Variants in NUAK1 observed in about 807,000 individuals in gnomAD.
NUAK1 encodes NUAK family kinase 1.
Under a neutral mutation model 56.9 loss-of-function variants are expected in NUAK1, and 26 were observed. The observed-to-expected ratio is 0.46, with a 90% CI of 0.33 to 0.63. The LOEUF (loss-of-function observed/expected upper bound fraction) is 0.63, where lower values mean the gene tolerates loss of function less well. Among genes scored for constraint, NUAK1 ranks in the 30% least tolerant of loss-of-function variants. The probability of loss-of-function intolerance (pLI) is 0.02; values close to 1 mark genes in which losing one functional copy is unlikely to be tolerated. For missense variants in NUAK1, 727 were observed against 876.1 expected, an observed-to-expected ratio of 0.83 and a Z score of 2.15; for synonymous variants, 337 against 336.0, an observed-to-expected ratio of 1.00 and a Z score of -0.03.
chr12:106,107,194 C>T (rs1453649766), intron 1 of NUAK1, among the ~76,000 whole-genome samples: 1 of 152,152 alleles, frequency 6.6e-6, no homozygotes, highest in Non-Finnish European at 1.5e-5. Context: ...CGGCCCCTGT[C>T]AATTCCCAAA....
At chr12:106,086,526 A>G (rs1308429498) in intron 3 of NUAK1, among the ~76,000 whole-genome samples, 2 of 152,214 alleles carry the variant, frequency 1.3e-5, no homozygotes, top group Non-Finnish European at 2.9e-5. Context: ...AGGAGGAGGA[A>G]GAAGACTGAA....
chr12:106,128,132 TTC>T lies in NUAK1; in HGVS notation c.240+10280_240+10281del, dbSNP rs577504323. Among the ~76,000 whole-genome samples the T allele has an allele frequency of 3.0e-4, 44 of 145,474 alleles. 6 individuals carry two copies. The highest frequency in any genetic ancestry group is 3.4e-3 in the Middle Eastern group (1 of 290). On this transcript the variant is annotated intron_variant, in intron 1 of 6. Transcript: ENST00000261402. Reference sequence around the variant, plus strand: ...TAGCTCCAAATTCTCTCTTTTCTTTTTCTTTTTTTTTTTTTTTGACACAGAGA... The same window carrying T: ...TAGCTCCAAATTCTCTCTTTTCTTTTTTTTTTTTTTTTTTTGACACAGAGA...
At chr12:106,129,024 G>T (rs896160019) in intron 1 of NUAK1, among the ~76,000 whole-genome samples, 1 of 152,248 alleles carries the variant, frequency 6.6e-6, no homozygotes, top group Non-Finnish European at 1.5e-5. Context: ...CTGCAGAGCT[G>T]ATTACCTGGG....
At chr12:106,088,516 G>C (rs1409138247) in intron 2 of NUAK1, among the ~76,000 whole-genome samples, 1 of 152,216 alleles carries the variant, frequency 6.6e-6, no homozygotes, top group African/African-American at 2.4e-5. Context: ...TGCCTAGACG[G>C]ACAGAGCTAA....
chr12:106,068,379 T>C (rs2032367281), intron 6 of NUAK1, among the ~76,000 whole-genome samples: 1 of 151,758 alleles, frequency 6.6e-6, no homozygotes, highest in Non-Finnish European at 1.5e-5. Flanking sequence ...TCTTTATTCC[T>C]CCAAAGGTGG....
intron 2 of NUAK1, among the ~76,000 whole-genome samples, chr12:106,090,873 T>C (rs961822214): frequency 2.6e-5 from 4 of 152,212 alleles, no homozygotes; most frequent in Non-Finnish European, 4.4e-5. Flanking sequence ...TGCCACAGAA[T>C]CACAGGATTT....
Position 106,138,102 on chromosome 12 carries a change from C to G in NUAK1, c.240+312G>C, listed in dbSNP as rs2033146443. ...TGAGTGCCTGCGAGGGAGAGAGACC[C>G]CGGCCGTCCCAACGCTGCAAAGTGT... On this transcript the variant is annotated intron_variant, in intron 1 of 6. Transcript: ENST00000261402. The surrounding 1 kb of genome is among the most constrained non-coding windows in gnomAD (Gnocchi z 5.0). 6.6e-6 allele frequency among the ~76,000 whole-genome samples: 1 copy of G among 152,192 alleles called. No homozygotes were observed. Among genetic ancestry groups the G allele is most frequent in the Non-Finnish European group, 1.5e-5 (1 of 68,032 alleles).
chr12:106,092,588 G>A (rs2032647221), intron 2 of NUAK1, among the ~76,000 whole-genome samples: 1 of 152,130 alleles, frequency 6.6e-6, no homozygotes, highest in African/African-American at 2.4e-5. Context: ...TGTCGTCAAA[G>A]ATTGTTCATT....
At chr12:106,106,558 G>T in intron 1 of NUAK1, 33 bp from the exon 2 acceptor site, 1 of 1,587,560 alleles carries the variant, frequency 6.3e-7, no homozygotes. Context: ...GTTATTCAGA[G>T]AGCTAAACAG....
chr12:106,131,521 T>G (rs2033079312), intron 1 of NUAK1, among the ~76,000 whole-genome samples: 1 of 152,198 alleles, frequency 6.6e-6, no homozygotes. Flanking sequence ...ATTAAGTACC[T>G]CATTCCTTTT....
intron 1 of NUAK1, among the ~76,000 whole-genome samples, chr12:106,113,325 T>A (rs1033861375): frequency 6.6e-6 from 1 of 152,118 alleles, no homozygotes; most frequent in Admixed American, 6.5e-5. Context: ...AAGTTCGTGC[T>A]GAGTGGGCAT....
chr12:106,118,665 C>G (rs2032944194), intron 1 of NUAK1, among the ~76,000 whole-genome samples: 1 of 152,246 alleles, frequency 6.6e-6, no homozygotes, highest in South Asian at 2.1e-4. Context: ...CCAGAAACAT[C>G]CCTGCGGAAC....
At position 106,125,722 on chromosome 12, in the gene NUAK1, C is replaced by T. The variant is rs148779572; in HGVS notation, c.240+12692G>A. ...AGGATCTCTACTACCTGCTTCACGCCCACACACTCATTCATTTCCTCCCTC... is the reference window on the plus strand; with the variant it reads ...AGGATCTCTACTACCTGCTTCACGCTCACACACTCATTCATTTCCTCCCTC... On this transcript the variant is annotated intron_variant, in intron 1 of 6. Coordinates refer to ENST00000261402, the MANE Select transcript of NUAK1 (RefSeq NM_014840.3). 2.5e-3 allele frequency among the ~76,000 whole-genome samples: 387 copies of T among 152,174 alleles called. 7 individuals are homozygous for T. Among genetic ancestry groups the T allele is most frequent in the Non-Finnish European group, 7.9e-4 (54 of 68,000 alleles).
At chr12:106,086,942 T>C (rs2032578038) in intron 2 of NUAK1, 57 bp from the exon 3 acceptor site, 2 of 1,583,226 alleles carry the variant, frequency 1.3e-6, no homozygotes, top group South Asian at 1.1e-5. Context: ...AGCTCACTTA[T>C]GCTACAGAGA....
At chr12:106,106,672 G>T in intron 1 of NUAK1, 147 bp from the exon 2 acceptor site, 1 of 717,924 alleles carries the variant, frequency 1.4e-6, no homozygotes, top group Non-Finnish European at 2.2e-6. Context: ...CCCTTGTCAT[G>T]TCTTTCATAC....
chr12:106,137,996 G>A (rs2033145372), intron 1 of NUAK1, among the ~76,000 whole-genome samples: 1 of 152,158 alleles, frequency 6.6e-6, no homozygotes, highest in Admixed American at 6.5e-5. Flanking sequence ...CAAAACACCG[G>A]ACTTGAGGGG....
Position 106,064,217 on chromosome 12 carries a change from G to GC in NUAK1, c.*2584dup, listed in dbSNP as rs1195589615. ...ACAGGACTTAATGATGAAGCAGGGAGCTGCTTTAATGGCTTTTCCCTCTAT... is the reference window on the plus strand; with the variant it reads ...ACAGGACTTAATGATGAAGCAGGGAGCCTGCTTTAATGGCTTTTCCCTCTAT... On this transcript the variant is annotated 3_prime_UTR_variant, in exon 7 of 7. Coordinates refer to ENST00000261402, the MANE Select transcript of NUAK1 (RefSeq NM_014840.3). 6.6e-6 allele frequency: 1 copy of GC among 152,444 alleles called. No homozygotes were observed. The highest frequency in any genetic ancestry group is 1.9e-4 in the East Asian group (1 of 5,200). The allele number at this position is 152,444 out of a possible 1,614,324, so 9.4% of individuals were successfully genotyped here.
At chr12:106,137,025 GTA>G in intron 1 of NUAK1, among the ~76,000 whole-genome samples, 1 of 151,980 alleles carries the variant, frequency 6.6e-6, no homozygotes, top group Non-Finnish European at 1.5e-5. Flanking sequence ...AAAAAGAAAT[GTA>G]CGCCATCTCA....
intron 1 of NUAK1, among the ~76,000 whole-genome samples, chr12:106,133,715 G>C (rs2033103450): frequency 6.6e-6 from 1 of 152,218 alleles, no homozygotes; most frequent in African/African-American, 2.4e-5. Context: ...AATAATGGTA[G>C]CAGTAGAAAT....
Sources: allele counts gnomAD v4.1 joint callset (sites outside exome capture counted in the v4.1 genomes callset), GRCh38; gene constraint gnomAD v4.1.1; non-coding constraint Gnocchi (gnomAD v3.1); transcripts MANE v1.5; gene names NCBI Gene and HGNC (gene_info 2026-07-23, HGNC 2026-07-21).